TUSC3: variants seen among roughly 807,000 people sequenced by gnomAD.
The protein encoded by TUSC3 is dolichyl-diphosphooligosaccharide--protein glycosyltransferase subunit TUSC3.
Under a neutral mutation model 44.8 loss-of-function variants are expected in TUSC3, and 45 were observed. That is an observed-to-expected ratio of 1.00 (90% CI 0.79 to 1.29). TUSC3 has a LOEUF of 1.29. Among genes scored for constraint, TUSC3 ranks in the 50% most tolerant of loss-of-function variants. TUSC3 has a pLI of 0.00. For synonymous variants in TUSC3, 212 were observed against 152.9 expected (o/e 1.39, Z -2.85); for missense variants, 519 against 437.9 (o/e 1.19, Z -1.65).
At chr8:15,825,697 G>A in the TUSC3 span, among the ~76,000 whole-genome samples, 1 of 152,118 alleles carries the variant, frequency 6.6e-6, no homozygotes, top group East Asian at 1.9e-4. Context: ...GTGCCTTGAA[G>A]TGTTACGTAT....
chr8:15,467,274 A>C (rs895660598), intron 1 of TUSC3, among the ~76,000 whole-genome samples: 4 of 137,968 alleles, frequency 2.9e-5, no homozygotes, highest in Non-Finnish European at 6.2e-5. Flanking sequence ...AAAGTTCTTT[A>C]GCCAAAAAAA....
chr8:15,477,507 G>A (rs1412681020), intron 1 of TUSC3, among the ~76,000 whole-genome samples: 3 of 152,118 alleles, frequency 2.0e-5, no homozygotes, highest in Non-Finnish European at 2.9e-5. Flanking sequence ...CAGATCACGA[G>A]GTCAGGAGAT....
chr8:15,439,219 C>T (rs1257610093), intron 1 of TUSC3, among the ~76,000 whole-genome samples: 1 of 152,170 alleles, frequency 6.6e-6, no homozygotes, highest in Non-Finnish European at 1.5e-5. Flanking sequence ...CCAGGAAACC[C>T]AGTGATGCAG....
At chr8:15,741,914 TCTC>T (rs756437714) in intron 7 of TUSC3, among the ~76,000 whole-genome samples, 12 of 152,292 alleles carry the variant, frequency 7.9e-5, no homozygotes, top group Admixed American at 2.0e-4. Context: ...GCAGTAGAAA[TCTC>T]CTACATATGA....
chr8:15,493,566 A>T (rs1363873321), intron 2 of TUSC3, among the ~76,000 whole-genome samples: 1 of 152,178 alleles, frequency 6.6e-6, no homozygotes, highest in South Asian at 2.1e-4. Flanking sequence ...CCCAGCACAG[A>T]TATCAACTTA....
chr8:15,754,665 G>C (rs1049137855), intron 9 of TUSC3, among the ~76,000 whole-genome samples: 4 of 151,932 alleles, frequency 2.6e-5, no homozygotes, highest in African/African-American at 9.7e-5. Context: ...TTATGCCTCC[G>C]CCTTTTAGCC....
intron 1 of TUSC3, among the ~76,000 whole-genome samples, chr8:15,443,608 G>A (rs902812126): frequency 2.0e-5 from 3 of 152,068 alleles, no homozygotes; most frequent in Non-Finnish European, 4.4e-5. Flanking sequence ...AGCTTTGGGA[G>A]GAACTTAATT....
At chr8:15,754,595 TAAGAAAAGC>T (rs1811845334) in intron 9 of TUSC3, among the ~76,000 whole-genome samples, 1 of 152,106 alleles carries the variant, frequency 6.6e-6, no homozygotes, top group Non-Finnish European at 1.5e-5. Context: ...TTCCTTTTCT[TAAGAAAAGC>T]ACCTTTAGTA....
the TUSC3 span, among the ~76,000 whole-genome samples, chr8:15,795,018 T>G: frequency 1.4e-3 from 208 of 152,308 alleles, 3 homozygotes; most frequent in Admixed American, 0.013. Context: ...TATGCCACTC[T>G]AATAACTACT....
At position 15,673,824 on chromosome 8, in the gene TUSC3, C is replaced by A; in HGVS notation, c.786C>A (p.His262Gln). The change falls in exon 6 of 11, where the codon CAC (histidine) becomes CAA (glutamine). Residue 262 changes from histidine (H) to glutamine (Q), a missense_variant. His to Gln is a conservative substitution (Grantham distance 24, BLOSUM62 0). Transcript: ENST00000503731. Reference protein sequence around the residue: ...RGPPYAHKNPHNGQVSYIHGS... With the variant: ...RGPPYAHKNPQNGQVSYIHGS... ...CTCCATATGCTCATAAGAACCCACA[C>A]AATGGACAAGTGGTAAGTGTAATTT... is the stretch of plus-strand genomic sequence containing the variant. The A allele has an allele frequency of 6.2e-7, 1 of 1,612,188 alleles. No individual in the cohort carries two copies. Among genetic ancestry groups the A allele is most frequent in the Non-Finnish European group, 8.5e-7 (1 of 1,178,654 alleles).
At chr8:15,477,550 G>A (rs1049677666) in intron 1 of TUSC3, among the ~76,000 whole-genome samples, 6 of 151,994 alleles carry the variant, frequency 3.9e-5, no homozygotes, top group Admixed American at 2.0e-4. Flanking sequence ...GTGAAATCCC[G>A]TCTCTACTAA....
At chr8:15,719,664 T>A (rs930171329) in intron 6 of TUSC3, among the ~76,000 whole-genome samples, 1 of 151,996 alleles carries the variant, frequency 6.6e-6, no homozygotes, top group African/African-American at 2.4e-5. Flanking sequence ...TAAACTAACA[T>A]ACAACAACAG....
At chr8:15,798,743 G>A in the TUSC3 span, among the ~76,000 whole-genome samples, 16 of 152,146 alleles carry the variant, frequency 1.1e-4, no homozygotes, top group African/African-American at 3.6e-4. Context: ...GCATCCTCGG[G>A]CCAACTAAGG....
chr8:15,577,694 C>T (rs1474159100), intron 1 of TUSC3, among the ~76,000 whole-genome samples: 1 of 144,540 alleles, frequency 6.9e-6, no homozygotes, highest in Non-Finnish European at 1.5e-5. Context: ...GGTACCAGTA[C>T]CATGCTGTTT....
intron 1 of TUSC3, among the ~76,000 whole-genome samples, chr8:15,459,698 A>G (rs1192208584): frequency 2.0e-5 from 3 of 152,212 alleles, no homozygotes; most frequent in South Asian, 4.1e-4. Flanking sequence ...TAGCTTTCAC[A>G]TATCAGTGAG....
intron 1 of TUSC3, among the ~76,000 whole-genome samples, chr8:15,591,320 G>A (rs1190474042): frequency 1.4e-5 from 2 of 139,360 alleles, no homozygotes; most frequent in South Asian, 4.8e-4. Context: ...CTACATTTAT[G>A]TATTTAAAAA....
intron 2 of TUSC3, among the ~76,000 whole-genome samples, chr8:15,504,694 C>T (rs1396121111): frequency 7.2e-6 from 1 of 139,270 alleles, no homozygotes; most frequent in Non-Finnish European, 1.5e-5. Context: ...CGCTGTGTCC[C>T]CAGGCTGGAG....
intron 5 of TUSC3, among the ~76,000 whole-genome samples, chr8:15,668,551 G>A (rs1183492412): frequency 1.3e-5 from 2 of 151,646 alleles, no homozygotes; most frequent in African/African-American, 4.8e-5. Flanking sequence ...TAGTGAGGAA[G>A]GTAAATCAGA....
intron 1 of TUSC3, among the ~76,000 whole-genome samples, chr8:15,555,051 G>A (rs1025339035): frequency 1.3e-5 from 2 of 150,632 alleles, no homozygotes; most frequent in Non-Finnish European, 3.0e-5. Context: ...TAGATATAGA[G>A]AATGTAAGGA....
Sources: gnomAD v4.1 joint callset for allele counts (sites outside exome capture counted in the v4.1 genomes callset) on GRCh38, gnomAD v4.1.1 for gene constraint, MANE v1.5 for transcripts, NCBI Gene and HGNC (gene_info 2026-07-23, HGNC 2026-07-21) for gene names.